Variants in CD84 observed in about 807,000 individuals in gnomAD.
CD84 encodes SLAM family member 5.
CD84 carries 22 observed loss-of-function variants against 33.8 expected under a neutral mutation model. That is an observed-to-expected ratio of 0.65 (90% CI 0.46 to 0.93). The LOEUF is 0.93. Among genes scored for constraint, CD84 ranks in the 40% least tolerant of loss-of-function variants. The probability of loss-of-function intolerance (pLI) is 0.00; values close to 1 mark genes in which losing one functional copy is unlikely to be tolerated. For missense variants in CD84, 400 were observed against 397.6 expected (o/e 1.01, Z -0.05); for synonymous variants, 154 against 145.2 (o/e 1.06, Z -0.44).
chr1:160,556,465 A>AT (rs1656614975), intron 2 of CD84, among the ~76,000 whole-genome samples: 1 of 152,180 alleles, frequency 6.6e-6, no homozygotes, highest in Non-Finnish European at 1.5e-5. Context: ...CTAATTACCT[A>AT]TTTACTTATC....
rs923557707 is a variant in CD84, at chr1:160,565,389, C to T, written c.388+15G>A. On this transcript the variant is annotated intron_variant, in intron 2 of 6. Transcript: ENST00000368054. ...TAAAAATAAAACACAAGCTCTCCGTCTTCCCATGACTTACGATAGATTTGC... is the reference window on the plus strand; with the variant it reads ...TAAAAATAAAACACAAGCTCTCCGTTTTCCCATGACTTACGATAGATTTGC... 1.9e-6 allele frequency: 3 copies of T among 1,553,416 alleles called. No individual in the cohort carries two copies. The highest frequency in any genetic ancestry group is 1.2e-5 in the South Asian group (1 of 82,628).
chr1:160,577,851 T>A (rs1658068412), intron 1 of CD84, among the ~76,000 whole-genome samples: 1 of 152,186 alleles, frequency 6.6e-6, no homozygotes, highest in Admixed American at 6.5e-5. Flanking sequence ...GGAATGTAAC[T>A]TCGTCTAGGT....
intron 2 of CD84, among the ~76,000 whole-genome samples, chr1:160,560,041 T>G (rs1656850348): frequency 6.6e-6 from 1 of 152,038 alleles, no homozygotes; most frequent in Admixed American, 6.6e-5. Context: ...CACACAATAA[T>G]AATGGGAGAG....
chr1:160,550,319 G>A (rs1008573764), intron 5 of CD84, among the ~76,000 whole-genome samples: 12 of 152,112 alleles, frequency 7.9e-5, no homozygotes, highest in Non-Finnish European at 1.3e-4. Context: ...CAAGCACAGC[G>A]CTAGACTGAC....
rs370780301 is a variant in CD84 at position 160,568,321 on chromosome 1, G to C, written c.47-2576C>G. 9.2e-5 allele frequency among the ~76,000 whole-genome samples: 14 copies of C among 152,094 alleles called. 1 individual carries two copies. In the East Asian group the frequency reaches 1.7e-3, roughly 19 times the overall value. On this transcript the variant is annotated intron_variant, in intron 1 of 6. Transcript: ENST00000368054. ...GTAGCAAGTCATTCAGGAAGTGTTG[G>C]TGGGGTATCAAAGAGCAATCAGGCA...
At chr1:160,551,100 C>A in intron 4 of CD84, 65 bp from the exon 5 acceptor site, 5 of 1,144,932 alleles carry the variant, frequency 4.4e-6, no homozygotes, top group Admixed American at 1.8e-5. Flanking sequence ...ATGATCTATT[C>A]CAATGTTCTC....
At chr1:160,563,597 T>TG (rs1413009188) in intron 2 of CD84, among the ~76,000 whole-genome samples, 1 of 151,810 alleles carries the variant, frequency 6.6e-6, no homozygotes, top group African/African-American at 2.4e-5. Flanking sequence ...GGAGAGGGGT[T>TG]GGGGGAGAGA....
At chr1:160,564,044 T>G (rs1357996262) in intron 2 of CD84, among the ~76,000 whole-genome samples, 1 of 152,126 alleles carries the variant, frequency 6.6e-6, no homozygotes, top group African/African-American at 2.4e-5. Context: ...CATTCGCATT[T>G]CCAAAAAGCT....
intron 1 of CD84, among the ~76,000 whole-genome samples, chr1:160,568,394 G>T (rs1450308410): frequency 5.3e-5 from 8 of 152,124 alleles, no homozygotes; most frequent in African/African-American, 1.9e-4. Context: ...TATTTGTGCT[G>T]CTGGTGTTGT....
chr1:160,575,943 C>A (rs956960330), intron 1 of CD84, among the ~76,000 whole-genome samples: 15 of 152,168 alleles, frequency 9.9e-5, no homozygotes, highest in Non-Finnish European at 1.9e-4. Context: ...GGGGGAACAG[C>A]TTTCCACCCT....
In CD84 at chr1:160,546,478, T is replaced by G. The variant is rs988628194; in HGVS notation, c.*1778A>C. 2.0e-5 allele frequency: 3 copies of G among 152,196 alleles called. No homozygotes were observed. The highest frequency in any genetic ancestry group is 7.2e-5 in the African/African-American group (3 of 41,430). The allele number at this position is 152,196 out of a possible 1,614,324, so 9.4% of individuals were successfully genotyped here. A position where few individuals can be genotyped will look rare whatever the true frequency, so the allele number is the denominator to read the frequency against. Reference sequence around the variant, plus strand: ...AAAGCTTTACAGAAGAGGTACCTTTTGAGGTGGGCATTGAAGGACATGTAA... The same window carrying G: ...AAAGCTTTACAGAAGAGGTACCTTTGGAGGTGGGCATTGAAGGACATGTAA... On this transcript the variant is annotated 3_prime_UTR_variant, in exon 7 of 7. Coordinates refer to ENST00000368054, the MANE Select transcript of CD84 (RefSeq NM_003874.4).
Position 160,568,290 on chromosome 1 carries a change from T to A in CD84, c.47-2545A>T, listed in dbSNP as rs150765331. 2.0e-3 allele frequency among the ~76,000 whole-genome samples: 310 copies of A among 152,076 alleles called. 1 individual carries two copies. Among genetic ancestry groups the A allele is most frequent in the African/African-American group, 7.2e-3 (299 of 41,468 alleles). ...GGTGCAGTTTTAAAAGTATGTCTCA[T>A]CTCCTGTAGCAAGTCATTCAGGAAG... is the stretch of plus-strand genomic sequence containing the variant. On this transcript the variant is annotated intron_variant, in intron 1 of 6. Transcript: ENST00000368054.
intron 5 of CD84, 182 bp downstream of exon 5, chr1:160,550,756 G>A (rs1031218537): frequency 3.0e-6 from 3 of 985,192 alleles, no homozygotes; most frequent in South Asian, 4.7e-5. Flanking sequence ...AATGGGTCAC[G>A]TTCCTGTCCT....
At chr1:160,561,165 T>A (rs1331696888) in intron 2 of CD84, among the ~76,000 whole-genome samples, 1 of 152,210 alleles carries the variant, frequency 6.6e-6, no homozygotes, top group African/African-American at 2.4e-5. Flanking sequence ...TAACTCATTC[T>A]GAGGCCATCA....
chr1:160,577,719 A>G (rs1658061556), intron 1 of CD84, among the ~76,000 whole-genome samples: 1 of 152,190 alleles, frequency 6.6e-6, no homozygotes, highest in African/African-American at 2.4e-5. Flanking sequence ...TATCTGTTAA[A>G]CACTTACTAT....
intron 1 of CD84, among the ~76,000 whole-genome samples, chr1:160,574,115 A>C (rs995439846): frequency 1.1e-5 from 1 of 89,070 alleles, no homozygotes; most frequent in African/African-American, 3.4e-5. Flanking sequence ...AAAAACAAAC[A>C]AAAAAAAACA....
intron 6 of CD84, 152 bp from the exon 7 acceptor site, chr1:160,548,473 T>G (rs1045878055): frequency 4.0e-6 from 3 of 741,120 alleles, no homozygotes; most frequent in Non-Finnish European, 6.8e-6. Context: ...CAGGGCCTTG[T>G]TCTTTGCTGA....
chr1:160,553,986 A>G lies in CD84; in HGVS notation c.549T>C (p.Thr183=). 1 of 1,614,158 alleles carries G rather than the reference A, an allele frequency of 6.2e-7. No homozygotes were observed. Among genetic ancestry groups the G allele is most frequent in the South Asian group, 1.1e-5 (1 of 91,090 alleles). The change falls in exon 3 of 7, where the codon ACT becomes ACC. Residue 183 remains threonine, a synonymous_variant. Coordinates refer to ENST00000368054, the MANE Select transcript of CD84 (RefSeq NM_003874.4). ...EEGNVLQIFQ[T]PEDQELTYTC... is the part of the protein sequence containing the mutation. The stretch of plus-strand genomic sequence containing the variant: ...TGTAAGTCAGCTCTTGGTCCTCAGG[A>G]GTCTGGAAGATTTGAAGGACATTAC...
intron 1 of CD84, among the ~76,000 whole-genome samples, chr1:160,578,339 G>A (rs1658095842): frequency 1.3e-5 from 2 of 152,052 alleles, no homozygotes; most frequent in Admixed American, 1.3e-4. Context: ...TCATCTACTT[G>A]CATTTTCTGT....
Sources: gnomAD v4.1 joint callset for allele counts (sites outside exome capture counted in the v4.1 genomes callset) on GRCh38, gnomAD v4.1.1 for gene constraint, MANE v1.5 for transcripts, NCBI Gene and HGNC (gene_info 2026-07-23, HGNC 2026-07-21) for gene names.